ASTN2: variants seen among roughly 807,000 people sequenced by gnomAD.
ASTN2 encodes the protein astrotactin 2.
In ASTN2, 54 loss-of-function variants were observed where a neutral mutation model predicts 139.8. That is an observed-to-expected ratio of 0.39 (90% CI 0.31 to 0.48). ASTN2 has a LOEUF of 0.48. Among genes scored for constraint, ASTN2 ranks in the 20% least tolerant of loss-of-function variants. The pLI is 0.95. For synonymous variants in ASTN2, 756 were observed against 719.5 expected (o/e 1.05, Z -0.81); for missense variants, 1,565 against 1,725.1 (o/e 0.91, Z 1.64).
At chr9:117,026,977 T>C (rs1046693529) in intron 6 of ASTN2, among the ~76,000 whole-genome samples, 1 of 152,118 alleles carries the variant, frequency 6.6e-6, no homozygotes, top group African/African-American at 2.4e-5. Context: ...GGTATCAAAC[T>C]CTGGCAGTGA....
chr9:116,597,299 ATTTT>A (rs757848093), intron 19 of ASTN2, among the ~76,000 whole-genome samples: 12 of 75,544 alleles, frequency 1.6e-4, no homozygotes, highest in African/African-American at 5.4e-4. Context: ...CTTTTGATCT[ATTTT>A]TTTTTTTTTT....
intron 16 of ASTN2, among the ~76,000 whole-genome samples, chr9:116,680,175 A>G (rs1295193056): frequency 3.9e-5 from 6 of 152,212 alleles, no homozygotes; most frequent in Non-Finnish European, 2.9e-5. Flanking sequence ...GACGCAATAA[A>G]AAATGATAAA....
Position 116,425,343 on chromosome 9 carries a change from AGAG to A in ASTN2, c.*505_*507del. On this transcript the variant is annotated 3_prime_UTR_variant, in exon 23 of 23. Transcript: ENST00000313400. Reference sequence around the variant, plus strand: ...CTCAATAATGTCCAGCAAAAAAGAGAGAGAAGTCCTTAAAGACCCATGCTTCCT... The same window carrying A: ...CTCAATAATGTCCAGCAAAAAAGAGAAAGTCCTTAAAGACCCATGCTTCCT... 1 of 550,066 alleles carries A rather than the reference AGAG, an allele frequency of 1.8e-6. No individual in the cohort carries two copies. The highest frequency in any genetic ancestry group is 3.2e-6 in the Non-Finnish European group (1 of 308,652). The allele number at this position is 550,066 out of a possible 1,614,324, so 34.1% of individuals were successfully genotyped here.
intron 4 of ASTN2, among the ~76,000 whole-genome samples, chr9:117,098,097 A>C (rs902522206): frequency 6.6e-6 from 1 of 152,158 alleles, no homozygotes; most frequent in African/African-American, 2.4e-5. Flanking sequence ...TCCAACTCCA[A>C]ATTTGGTCTC....
chr9:116,972,333 T>C (rs1410442139), intron 10 of ASTN2, among the ~76,000 whole-genome samples: 1 of 152,244 alleles, frequency 6.6e-6, no homozygotes, highest in African/African-American at 2.4e-5. Flanking sequence ...ATATTCATTA[T>C]TAATGGCATT....
chr9:116,461,892 G>C (rs1215996100), intron 20 of ASTN2, among the ~76,000 whole-genome samples: 1 of 152,126 alleles, frequency 6.6e-6, no homozygotes, highest in Non-Finnish European at 1.5e-5. Context: ...ACAACAGTGA[G>C]AAACCCATTC....
intron 1 of ASTN2, among the ~76,000 whole-genome samples, chr9:117,341,201 G>A (rs539416348): frequency 4.5e-4 from 69 of 152,258 alleles, no homozygotes; most frequent in Middle Eastern, 3.4e-3. Context: ...AAGAAAGAAG[G>A]AAATAGTCCA....
In ASTN2 at chr9:116,949,689, A is replaced by G. The variant is rs116084200; in HGVS notation, c.1889+25519T>C. Among the ~76,000 whole-genome samples, 525 of 152,338 alleles carry G rather than the reference A, an allele frequency of 3.4e-3. 4 individuals carry two copies. The highest frequency in any genetic ancestry group is 0.011 in the African/African-American group (469 of 41,564). On this transcript the variant is annotated intron_variant, in intron 10 of 22. Transcript: ENST00000313400. The stretch of plus-strand genomic sequence containing the variant: ...GTAGGCCAGCCTAGGAAAAACAATA[A>G]TGAAGCCTACATTTGTAGCTTCTTG...
intron 1 of ASTN2, among the ~76,000 whole-genome samples, chr9:117,322,453 T>A (rs1296294828): frequency 1.2e-4 from 19 of 152,206 alleles, no homozygotes; most frequent in Admixed American, 1.2e-3. Flanking sequence ...CTACTATTAC[T>A]CCACGTTTCT....
At chr9:117,068,530 G>A (rs1479289446) in intron 5 of ASTN2, among the ~76,000 whole-genome samples, 2 of 117,942 alleles carry the variant, frequency 1.7e-5, no homozygotes, top group South Asian at 3.2e-4. Flanking sequence ...CATAAAATGC[G>A]TTAGGGAGGA....
chr9:116,538,735 G>A (rs1851753112), intron 19 of ASTN2, among the ~76,000 whole-genome samples: 1 of 152,102 alleles, frequency 6.6e-6, no homozygotes, highest in African/African-American at 2.4e-5. Flanking sequence ...TACAAGTGAT[G>A]ATGCCATACA....
chr9:116,748,553 A>G (rs191160434), intron 13 of ASTN2, among the ~76,000 whole-genome samples: 9 of 152,314 alleles, frequency 5.9e-5, no homozygotes, highest in Admixed American at 5.9e-4. Flanking sequence ...GGAATCCTCT[A>G]TCTCACACCA....
intron 20 of ASTN2, among the ~76,000 whole-genome samples, chr9:116,443,743 C>A (rs746652055): frequency 6.6e-6 from 1 of 152,070 alleles, no homozygotes; most frequent in Non-Finnish European, 1.5e-5. Context: ...AGTGTTCTGT[C>A]TGCATCATGT....
At chr9:117,118,055 C>G (rs929214841) in intron 4 of ASTN2, among the ~76,000 whole-genome samples, 1 of 152,222 alleles carries the variant, frequency 6.6e-6, no homozygotes, top group African/African-American at 2.4e-5. Context: ...AAGGGATTCA[C>G]TGACCAGTTA....
chr9:117,345,096 G>A (rs920929651), intron 1 of ASTN2, among the ~76,000 whole-genome samples: 9 of 152,112 alleles, frequency 5.9e-5, no homozygotes, highest in African/African-American at 2.2e-4. Context: ...ACTTGGAGCT[G>A]TGTTTTCTGC....
At chr9:117,331,998 T>C (rs1828726200) in intron 1 of ASTN2, among the ~76,000 whole-genome samples, 1 of 152,124 alleles carries the variant, frequency 6.6e-6, no homozygotes, top group African/African-American at 2.4e-5. Context: ...GCTCCTCAGC[T>C]TCTGTCTGAA....
intron 1 of ASTN2, among the ~76,000 whole-genome samples, chr9:117,349,460 T>G (rs1829323292): frequency 6.6e-6 from 1 of 152,172 alleles, no homozygotes; most frequent in Admixed American, 6.5e-5. Context: ...TTCAGGAATC[T>G]ACTGTTAATG....
At chr9:117,183,644 C>T (rs1038651924) in intron 3 of ASTN2, among the ~76,000 whole-genome samples, 4 of 152,174 alleles carry the variant, frequency 2.6e-5, no homozygotes, top group Admixed American at 6.5e-5. Flanking sequence ...CCAGAGTCCA[C>T]ATTTCTATCC....
intron 7 of ASTN2, among the ~76,000 whole-genome samples, chr9:117,003,953 C>CGCGTGTGTGTGT (rs1218309835): frequency 0.013 from 1,857 of 146,200 alleles, 54 homozygotes; most frequent in African/African-American, 0.046. Context: ...CGCGCGCGCG[C>CGCGTGTGTGTGT]GTGTGTGTGT....
Sources: gnomAD v4.1 joint callset for allele counts (sites outside exome capture counted in the v4.1 genomes callset) on GRCh38, gnomAD v4.1.1 for gene constraint, MANE v1.5 for transcripts, NCBI Gene and HGNC (gene_info 2026-07-23, HGNC 2026-07-21) for gene names.